Variants in DRC2 observed in about 807,000 individuals in gnomAD.
The protein encoded by DRC2 is coiled-coil domain containing 65.
the DRC2 span, chr12:48,914,409 A>T: frequency 5.0e-6 from 8 of 1,602,400 alleles, no homozygotes; most frequent in Non-Finnish European, 6.8e-6. Flanking sequence ...CCTAGTCTTT[A>T]GCTAAAGACC....
At chr12:48,914,326 A>AT in the DRC2 span, 1 of 1,420,898 alleles carries the variant, frequency 7.0e-7, no homozygotes, top group Non-Finnish European at 9.4e-7. Context: ...CAAAGAAAAA[A>AT]CTGCCAGCTG....
the DRC2 span, among the ~76,000 whole-genome samples, chr12:48,913,233 G>A: frequency 6.6e-6 from 1 of 151,932 alleles, no homozygotes; most frequent in African/African-American, 2.4e-5. Flanking sequence ...TCTTTTCAGT[G>A]GTAGCTACAT....
the DRC2 span, among the ~76,000 whole-genome samples, chr12:48,904,682 T>C: frequency 2.0e-5 from 3 of 152,186 alleles, no homozygotes; most frequent in Non-Finnish European, 4.4e-5. Flanking sequence ...CAATCTTTAC[T>C]GAATCCCAGA....
the DRC2 span, among the ~76,000 whole-genome samples, chr12:48,917,890 C>CAATTGTAAA: frequency 6.6e-6 from 1 of 152,182 alleles, no homozygotes; most frequent in Admixed American, 6.5e-5. Flanking sequence ...ATTTACCCCA[C>CAATTGTAAA]AGTGTTTTAT....
chr12:48,915,761 G>A, the DRC2 span, among the ~76,000 whole-genome samples: 1 of 151,286 alleles, frequency 6.6e-6, no homozygotes, highest in Non-Finnish European at 1.5e-5. Flanking sequence ...GGATGGGGCG[G>A]CTGGCCGGGC....
chr12:48,918,984 C>T, the DRC2 span: 23 of 1,121,200 alleles, frequency 2.1e-5, no homozygotes, highest in Middle Eastern at 8.8e-4. Flanking sequence ...GAAAGGATAG[C>T]GGGGGCTTCT....
At chr12:48,912,361 G>T in the DRC2 span, among the ~76,000 whole-genome samples, 48,839 of 147,436 alleles carry the variant, frequency 0.33, 8,996 homozygotes, top group Admixed American at 0.49. Flanking sequence ...ACCCGGGAGA[G>T]GGAGCTTGCA....
the DRC2 span, chr12:48,918,576 G>A: frequency 1.1e-5 from 17 of 1,490,572 alleles, no homozygotes; most frequent in Admixed American, 2.5e-4. Context: ...CATTGGTTGG[G>A]AAAAGATGAT....
chr12:48,918,258 T>TC, the DRC2 span: 5 of 1,612,738 alleles, frequency 3.1e-6, no homozygotes, highest in Non-Finnish European at 4.2e-6. Flanking sequence ...ATTTGCTATT[T>TC]TGGGGTCACT....
At chr12:48,921,211 A>G in the DRC2 span, 597,502 of 1,613,700 alleles carry the variant, frequency 0.37, 115,214 homozygotes, top group Admixed American at 0.52. Context: ...TGGAAAAGGT[A>G]CAACAAAGTG....
chr12:48,912,791 T>C, the DRC2 span, among the ~76,000 whole-genome samples: 1 of 152,180 alleles, frequency 6.6e-6, no homozygotes, highest in Non-Finnish European at 1.5e-5. Flanking sequence ...TGGGTCCTTC[T>C]GACATGACCC....
the DRC2 span, among the ~76,000 whole-genome samples, chr12:48,915,529 C>A: frequency 4.0e-5 from 6 of 151,768 alleles, no homozygotes; most frequent in Non-Finnish European, 8.8e-5. Context: ...ACAGACACGG[C>A]AACCATCCGA....
the DRC2 span, among the ~76,000 whole-genome samples, chr12:48,907,164 G>A: frequency 6.6e-5 from 10 of 152,118 alleles, no homozygotes; most frequent in African/African-American, 2.2e-4. Context: ...GCAGTGAGCA[G>A]AGATTGTGCC....
the DRC2 span, chr12:48,904,609 ATTGT>A: frequency 5.6e-6 from 7 of 1,251,674 alleles, no homozygotes; most frequent in Non-Finnish European, 7.7e-6. Flanking sequence ...TTCAGGCAAC[ATTGT>A]TTGGGAGGCG....
chr12:48,905,753 T>G, the DRC2 span, among the ~76,000 whole-genome samples: 1 of 152,210 alleles, frequency 6.6e-6, no homozygotes, highest in East Asian at 1.9e-4. Context: ...TACTGCCTTC[T>G]CCTTAGTCTT....
At chr12:48,907,968 CAG>C in the DRC2 span, among the ~76,000 whole-genome samples, 1 of 152,272 alleles carries the variant, frequency 6.6e-6, no homozygotes, top group African/African-American at 2.4e-5. Flanking sequence ...TTTTTTGAGA[CAG>C]AGTCTCACTT....
the DRC2 span, among the ~76,000 whole-genome samples, chr12:48,908,604 A>ATTTATTTATTTAT: frequency 3.2e-4 from 35 of 110,908 alleles, no homozygotes; most frequent in Admixed American, 5.0e-4. Context: ...TATTATTATT[A>ATTTATTTATTTAT]TTATTTATTT....
chr12:48,909,372 C>T, the DRC2 span, among the ~76,000 whole-genome samples: 1 of 152,192 alleles, frequency 6.6e-6, no homozygotes, highest in Admixed American at 6.5e-5. Flanking sequence ...TCATAGCCAG[C>T]CTTGTTTCTT....
At chr12:48,911,159 G>A in the DRC2 span, among the ~76,000 whole-genome samples, 1 of 152,148 alleles carries the variant, frequency 6.6e-6, no homozygotes, top group Non-Finnish European at 1.5e-5. Context: ...GTATCAAGAG[G>A]CACATATTGT....
Sources: gnomAD v4.1 joint callset for allele counts (sites outside exome capture counted in the v4.1 genomes callset) on GRCh38, gnomAD v4.1.1 for gene constraint, MANE v1.5 for transcripts, NCBI Gene and HGNC (gene_info 2026-07-23, HGNC 2026-07-21) for gene names.